The following MALRD1 variants were observed in gnomAD, a reference collection of about 807,000 sequenced individuals.
MALRD1 encodes MAM and LDL-receptor class A domain-containing protein 1.
Under a neutral mutation model 242.1 loss-of-function variants are expected in MALRD1, and 247 were observed. The ratio of observed to expected loss-of-function variants is 1.02; its 90% CI spans 0.92 to 1.13. The LOEUF (loss-of-function observed/expected upper bound fraction) is 1.13. Among genes scored for constraint, MALRD1 ranks in the 50% most tolerant of loss-of-function variants. The pLI is 0.00. For missense variants in MALRD1, 2,989 were observed against 2,533.1 expected (o/e 1.18, Z -3.86); for synonymous variants, 995 against 866.6 (o/e 1.15, Z -2.60).
intron 26 of MALRD1, among the ~76,000 whole-genome samples, chr10:19,353,593 T>C (rs1057052953): frequency 6.6e-6 from 1 of 152,196 alleles, no homozygotes; most frequent in Non-Finnish European, 1.5e-5. Flanking sequence ...GACAGGCTTC[T>C]AACACTATAT....
rs536333946 is a variant in MALRD1 at position 19,402,578 on chromosome 10, A to T, written c.4845+12969A>T. 5.9e-5 allele frequency among the ~76,000 whole-genome samples: 9 copies of T among 152,166 alleles called. No homozygotes were observed. In the South Asian group the frequency reaches 1.9e-3, roughly 32 times the overall value. ...ATTAAACTTCTTTCCTTTATAAATTACCCACTCTTGGGTATGTCTTTATTA... is the reference window on the plus strand; with the variant it reads ...ATTAAACTTCTTTCCTTTATAAATTTCCCACTCTTGGGTATGTCTTTATTA... On this transcript the variant is annotated intron_variant, in intron 28 of 39. Transcript: ENST00000454679.
chr10:19,238,559 A>G (rs1588756144), intron 18 of MALRD1, among the ~76,000 whole-genome samples: 1 of 77,680 alleles, frequency 1.3e-5, no homozygotes, highest in African/African-American at 4.5e-5. Context: ...AATGTATATT[A>G]TATATAATAT....
chr10:19,632,656 A>G (rs746587886), intron 36 of MALRD1, among the ~76,000 whole-genome samples: 2 of 152,000 alleles, frequency 1.3e-5, no homozygotes, highest in African/African-American at 4.8e-5. Flanking sequence ...GTTTCTCCCA[A>G]CCTTACATGC....
rs562048706 is a variant in MALRD1, at chr10:19,415,386, G to A, written c.4845+25777G>A. On this transcript the variant is annotated intron_variant, in intron 28 of 39. Transcript: ENST00000454679. ...TGTGATTCCCCCTTGTGAATTATTA[G>A]ACAAAATCAATACTTTAAAGACATA... Among the ~76,000 whole-genome samples, 468 of 152,086 alleles carry A rather than the reference G, an allele frequency of 3.1e-3. 1 individual carries two copies. The highest frequency in any genetic ancestry group is 6.8e-3 in the Middle Eastern group (2 of 294).
At chr10:19,304,440 T>C (rs1006283568) in intron 21 of MALRD1, among the ~76,000 whole-genome samples, 3 of 151,758 alleles carry the variant, frequency 2.0e-5, no homozygotes, top group Non-Finnish European at 4.4e-5. Context: ...TCTTGACTAA[T>C]ATAGCATATC....
intron 34 of MALRD1, among the ~76,000 whole-genome samples, chr10:19,605,485 CTTT>C (rs369007691): frequency 9.3e-5 from 12 of 128,426 alleles, no homozygotes; most frequent in Non-Finnish European, 1.5e-4. Context: ...GTTTTTCTTT[CTTT>C]TTTTTTTTTT....
At chr10:19,171,323 G>T (rs532282485) in intron 13 of MALRD1, among the ~76,000 whole-genome samples, 2 of 150,426 alleles carry the variant, frequency 1.3e-5, no homozygotes, top group African/African-American at 2.4e-5. Flanking sequence ...TCCATCTGTG[G>T]TTGAAACAGC....
chr10:19,401,688 T>G (rs1462120457), intron 28 of MALRD1, among the ~76,000 whole-genome samples: 2 of 152,106 alleles, frequency 1.3e-5, no homozygotes, highest in Non-Finnish European at 1.5e-5. Flanking sequence ...TTTAATTTAA[T>G]TCTCGTGGCT....
In MALRD1 at chr10:19,352,280, C is replaced by T. The variant is rs1173158888; in HGVS notation, c.4424C>T (p.Ala1475Val). The change falls in exon 26 of 40, where the codon GCA becomes GTA. Residue 1475 changes from alanine (A) to valine (V), a missense_variant. Ala to Val is a moderately conservative substitution (Grantham distance 64, BLOSUM62 0). Transcript: ENST00000454679. ...CATGATTCCGTGCAAGAAGAACTGG[C>T]AGTGCCTCTTCCAACAGGTACATTC... ...SLHDSVQEEL[A>V]VPLPTGFCPL... The T allele has an allele frequency of 2.6e-6, 4 of 1,545,666 alleles. No individual in the cohort carries two copies. The highest frequency in any genetic ancestry group is 2.6e-6 in the Non-Finnish European group (3 of 1,145,910).
chr10:19,614,830 C>T (rs1397160042), intron 35 of MALRD1, among the ~76,000 whole-genome samples: 1 of 152,016 alleles, frequency 6.6e-6, no homozygotes, highest in Non-Finnish European at 1.5e-5. Context: ...AGAGGTAGGA[C>T]ATCTGCATGC....
At chr10:19,596,941 T>A (rs374521346) in intron 34 of MALRD1, among the ~76,000 whole-genome samples, 1 of 152,062 alleles carries the variant, frequency 6.6e-6, no homozygotes, top group Middle Eastern at 3.4e-3. Context: ...TTTAGGGTCC[T>A]GTGTAATATG....
At chr10:19,199,755 C>A (rs918407158) in intron 14 of MALRD1, among the ~76,000 whole-genome samples, 1 of 151,794 alleles carries the variant, frequency 6.6e-6, no homozygotes, top group South Asian at 2.1e-4. Flanking sequence ...GAGCTGAGAT[C>A]GCACCACTGC....
At chr10:19,280,279 G>A in intron 20 of MALRD1, 56 bp downstream of exon 20, 1 of 1,340,040 alleles carries the variant, frequency 7.5e-7, no homozygotes, top group Non-Finnish European at 9.8e-7. Flanking sequence ...AAATGCAAGT[G>A]TAATCTCTAA....
intron 33 of MALRD1, 122 bp from the exon 34 acceptor site, chr10:19,595,072 T>A: frequency 2.0e-6 from 2 of 997,486 alleles, no homozygotes; most frequent in South Asian, 4.1e-5. Context: ...TAATTAGAAA[T>A]TAATTTACTT....
At chr10:19,725,631 A>G (rs1834987310) in intron 38 of MALRD1, among the ~76,000 whole-genome samples, 1 of 152,214 alleles carries the variant, frequency 6.6e-6, no homozygotes, top group Non-Finnish European at 1.5e-5. Flanking sequence ...TTGCAAGGGT[A>G]CCAAATAGCC....
At chr10:19,224,271 C>T (rs1837686926) in intron 18 of MALRD1, among the ~76,000 whole-genome samples, 2 of 149,722 alleles carry the variant, frequency 1.3e-5, no homozygotes, top group South Asian at 2.1e-4. Flanking sequence ...CTCATTGGAC[C>T]AGGGATGATG....
chr10:19,126,754 G>T (rs55704593), intron 7 of MALRD1, among the ~76,000 whole-genome samples: 15,444 of 151,050 alleles, frequency 0.1, 981 homozygotes, highest in South Asian at 0.14. Flanking sequence ...TTATTATTAT[G>T]GTTATTTATT....
In MALRD1 at chr10:19,289,429, A is replaced by G. The variant is rs1032333643; in HGVS notation, c.3419+6248A>G. Among the ~76,000 whole-genome samples the G allele has an allele frequency of 1.2e-4, 19 of 152,276 alleles. No individual in the cohort carries two copies. The South Asian group carries it at 2.5e-3, about 20-fold the overall frequency. On this transcript the variant is annotated intron_variant, in intron 21 of 39. Transcript: ENST00000454679. ...ATGAATTAGTTGCTAATTAGCATCA[A>G]TATATTTGTGTTTTATAATTATAGG...
At chr10:19,726,523 T>C (rs1294823413) in intron 38 of MALRD1, among the ~76,000 whole-genome samples, 2 of 152,190 alleles carry the variant, frequency 1.3e-5, no homozygotes, top group Non-Finnish European at 2.9e-5. Flanking sequence ...GGTGCAGCAC[T>C]ATCAAAAACA....
Sources: allele counts gnomAD v4.1 joint callset (sites outside exome capture counted in the v4.1 genomes callset), GRCh38; gene constraint gnomAD v4.1.1; transcripts MANE v1.5; gene names NCBI Gene and HGNC (gene_info 2026-07-23, HGNC 2026-07-21).